CAMSAP2: variants seen among roughly 807,000 people sequenced by gnomAD.
CAMSAP2 encodes calmodulin regulated spectrin associated protein family member 2.
In CAMSAP2, 26 loss-of-function variants were observed where a neutral mutation model predicts 146.1. The observed-to-expected ratio is 0.18, with a 90% CI of 0.13 to 0.25. The LOEUF (loss-of-function observed/expected upper bound fraction) is 0.25. CAMSAP2 is among the 10% of genes least tolerant of loss of function. The pLI, the probability that CAMSAP2 is intolerant of heterozygous loss-of-function variation, is 1.00. For missense variants in CAMSAP2, 1,381 were observed against 1,759.3 expected, an observed-to-expected ratio of 0.78 and a Z score of 3.85; for synonymous variants, 499 against 596.6, an observed-to-expected ratio of 0.84 and a Z score of 2.38.
In CAMSAP2 at chr1:200,847,623, C is replaced by CT; in HGVS notation, c.1193-11dup. 5 of 1,600,330 alleles carry CT rather than the reference C, an allele frequency of 3.1e-6. No homozygotes were observed. Among genetic ancestry groups the CT allele is most frequent in the Non-Finnish European group, 4.3e-6 (5 of 1,172,708 alleles). ...TTTTACATGATTTCAATGGCTTTTT[C>CT]TTTTTTGCATTTGAAGGAGGAATTA... is the stretch of plus-strand genomic sequence containing the variant. On this transcript the variant is annotated splice_polypyrimidine_tract_variant and intron_variant, in intron 9 of 16. Transcript: ENST00000358823.
chr1:200,817,229 TATATACAC>T (rs1313320171), intron 4 of CAMSAP2, among the ~76,000 whole-genome samples: 2 of 96,786 alleles, frequency 2.1e-5, no homozygotes, highest in Non-Finnish European at 4.1e-5. Flanking sequence ...TATGTGTGTG[TATATACAC>T]ACATACACAC....
intron 1 of CAMSAP2, among the ~76,000 whole-genome samples, chr1:200,745,824 C>T (rs1427972588): frequency 1.3e-5 from 2 of 152,092 alleles, no homozygotes; most frequent in Non-Finnish European, 2.9e-5. Flanking sequence ...TTCTAATTTA[C>T]GTTTTATAGA....
intron 6 of CAMSAP2, among the ~76,000 whole-genome samples, chr1:200,840,902 T>A (rs1370770997): frequency 2.0e-5 from 3 of 152,214 alleles, no homozygotes; most frequent in East Asian, 3.8e-4. Flanking sequence ...TTGTAGTTTT[T>A]AAAAATTTAC....
At chr1:200,767,836 A>T (rs998085879) in intron 2 of CAMSAP2, among the ~76,000 whole-genome samples, 1 of 152,168 alleles carries the variant, frequency 6.6e-6, no homozygotes, top group African/African-American at 2.4e-5. Flanking sequence ...ATGTTCCATT[A>T]TTTCTAGGTA....
intron 10 of CAMSAP2, 140 bp downstream of exon 10, chr1:200,847,849 A>T: frequency 2.3e-6 from 2 of 871,630 alleles, no homozygotes; most frequent in Non-Finnish European, 3.5e-6. Context: ...TAGGCAGATG[A>T]TAGAGATGTA....
At chr1:200,811,388 C>T (rs983608020) in intron 3 of CAMSAP2, among the ~76,000 whole-genome samples, 7 of 152,082 alleles carry the variant, frequency 4.6e-5, no homozygotes, top group Admixed American at 2.6e-4. Context: ...TAGAATATTC[C>T]TCCTCAGTAT....
chr1:200,746,847 C>T (rs6665490), intron 1 of CAMSAP2, among the ~76,000 whole-genome samples: 19,964 of 151,714 alleles, frequency 0.13, 1,356 homozygotes, highest in East Asian at 0.17. Flanking sequence ...CTTGATCTCC[C>T]GACCTCGTGA....
At chr1:200,742,496 CAAATT>C (rs1664209259) in intron 1 of CAMSAP2, among the ~76,000 whole-genome samples, 1 of 151,894 alleles carries the variant, frequency 6.6e-6, no homozygotes, top group Non-Finnish European at 1.5e-5. Flanking sequence ...TCTTTCAAAA[CAAATT>C]TATATGGAGT....
chr1:200,778,718 A>G (rs906770638), intron 2 of CAMSAP2, among the ~76,000 whole-genome samples: 4 of 152,164 alleles, frequency 2.6e-5, no homozygotes, highest in African/African-American at 9.7e-5. Flanking sequence ...TTTAATACCA[A>G]TGATATATTT....
At chr1:200,824,093 A>AAG (rs1316103858) in intron 4 of CAMSAP2, among the ~76,000 whole-genome samples, 3 of 152,282 alleles carry the variant, frequency 2.0e-5, no homozygotes, top group Non-Finnish European at 4.4e-5. Context: ...GCACTACAGA[A>AAG]TGCTCCAGGC....
chr1:200,855,955 TGGGCCCCATTTTTTCTCTGTTTGA>T, intron 14 of CAMSAP2, 31 bp from the exon 15 acceptor site: 1 of 1,195,560 alleles, frequency 8.4e-7, no homozygotes, highest in Non-Finnish European at 1.2e-6. Context: ...GTATACCCTC[TGGGCCCCATTTTTTCTCTGTTTGA>T]GACATAAAAC....
At chr1:200,840,822 CTATTT>C (rs1194580834) in intron 6 of CAMSAP2, among the ~76,000 whole-genome samples, 3 of 152,088 alleles carry the variant, frequency 2.0e-5, no homozygotes, top group Non-Finnish European at 4.4e-5. Flanking sequence ...TTGATAGTAA[CTATTT>C]TATTAAATGC....
intron 6 of CAMSAP2, among the ~76,000 whole-genome samples, chr1:200,837,108 G>C (rs1402281949): frequency 6.6e-6 from 1 of 152,026 alleles, no homozygotes; most frequent in Non-Finnish European, 1.5e-5. Context: ...GATCCTATTT[G>C]TCAATTTTTG....
chr1:200,857,358 A>C lies in CAMSAP2; in HGVS notation c.4065A>C (p.Gln1355His), dbSNP rs745551743. The C allele has an allele frequency of 3.6e-5, 58 of 1,613,710 alleles. No homozygotes were observed. Among genetic ancestry groups the C allele is most frequent in the Non-Finnish European group, 4.7e-5 (56 of 1,179,838 alleles). ...CAAAATCCAATAAGCACATAATACAAAATGCTTTAGCTCATTGCTGTTTGG... is the reference window on the plus strand; with the variant it reads ...CAAAATCCAATAAGCACATAATACACAATGCTTTAGCTCATTGCTGTTTGG... ...PSAKSNKHII[Q>H]NALAHCCLAG... The change falls in exon 16 of 17, where the codon CAA becomes CAC. Residue 1355 changes from glutamine (Q) to histidine (H), a missense_variant. Gln to His is a conservative substitution (Grantham distance 24). Coordinates refer to ENST00000358823, the MANE Select transcript of CAMSAP2 (RefSeq NM_203459.4). This position sits in a 1 kb window ranked among gnomAD's most constrained non-coding sequence, Gnocchi z 4.7.
rs1667674232 is a variant in CAMSAP2, at chr1:200,853,409, A to C, written c.3737A>C (p.Gln1246Pro). 22 of 1,613,872 alleles carry C rather than the reference A, an allele frequency of 1.4e-5. No individual in the cohort carries two copies. The highest frequency in any genetic ancestry group is 1.8e-5 in the Non-Finnish European group (21 of 1,179,930). The change falls in exon 13 of 17, where the codon CAA becomes CCA. Residue 1246 changes from glutamine (Q) to proline (P), a missense_variant. Around this residue, in one of 4 missense-constraint regions of CAMSAP2, gnomAD observed 560 missense variants for 715.9 expected, o/e 0.78. Coordinates refer to ENST00000358823, the MANE Select transcript of CAMSAP2 (RefSeq NM_203459.4). The surrounding 1 kb of genome is among the most constrained non-coding windows in gnomAD (Gnocchi z 5.1). ...GATACAGTAATTAAACCCCGTCCTC[A>C]AGTAGTAAAACAAAAAAAACAGCGA... ...DMDTVIKPRP[Q>P]VVKQKKQRPK...
At chr1:200,749,155 A>G (rs902338243) in intron 1 of CAMSAP2, among the ~76,000 whole-genome samples, 1 of 152,224 alleles carries the variant, frequency 6.6e-6, no homozygotes, top group Admixed American at 6.5e-5. Context: ...TATACATTTC[A>G]TGTGTCCTGT....
rs1667841317 is a variant in CAMSAP2 at position 200,860,065 on chromosome 1, G to A, written c.*2006G>A. The A allele has an allele frequency of 6.5e-6, 1 of 152,672 alleles. No individual in the cohort carries two copies. Among genetic ancestry groups the A allele is most frequent in the African/African-American group, 2.4e-5 (1 of 41,440 alleles). 9.5% of individuals were successfully genotyped at this position (152,672 alleles called of 1,614,324 possible). A position where few individuals can be genotyped will look rare whatever the true frequency, so the allele number is the denominator to read the frequency against. The stretch of plus-strand genomic sequence containing the variant: ...GACCACCCTTTATTCTTAAATTTGT[G>A]TGTGTCCAACAGTTGAATTGAATGT... On this transcript the variant is annotated 3_prime_UTR_variant, in exon 17 of 17. Coordinates refer to ENST00000358823, the MANE Select transcript of CAMSAP2 (RefSeq NM_203459.4).
chr1:200,748,133 A>G (rs1279676822), intron 1 of CAMSAP2, among the ~76,000 whole-genome samples: 2 of 152,190 alleles, frequency 1.3e-5, no homozygotes, highest in Non-Finnish European at 2.9e-5. Context: ...AGGATTGATT[A>G]TAGAAAATCT....
At chr1:200,818,843 G>A (rs550875073) in intron 4 of CAMSAP2, among the ~76,000 whole-genome samples, 10 of 152,026 alleles carry the variant, frequency 6.6e-5, no homozygotes, top group African/African-American at 2.4e-4. Context: ...TATACAGTTG[G>A]TAAGAAGTTG....
Sources: gnomAD v4.1 joint callset for allele counts (sites outside exome capture counted in the v4.1 genomes callset) on GRCh38, gnomAD v4.1.1 for gene constraint, gnomAD v4.1.1 regional missense constraint, Gnocchi (gnomAD v3.1) non-coding constraint, MANE v1.5 for transcripts, NCBI Gene and HGNC (gene_info 2026-07-23, HGNC 2026-07-21) for gene names.